FAXC: variants seen among roughly 807,000 people sequenced by gnomAD.
The protein encoded by FAXC is failed axon connections homolog, metaxin like GST domain containing.
In FAXC, 10 loss-of-function variants were observed where a neutral mutation model predicts 41.9. The observed-to-expected ratio is 0.24, with a 90% confidence interval of 0.15 to 0.41. The LOEUF (loss-of-function observed/expected upper bound fraction) is 0.41. Among genes scored for constraint, FAXC ranks in the 10% least tolerant of loss-of-function variants. The pLI, the probability that FAXC is intolerant of heterozygous loss-of-function variation, is 1.00. For missense variants in FAXC, 399 were observed against 510.9 expected (o/e 0.78, Z 2.11); for synonymous variants, 183 against 183.8 (o/e 1.00, Z 0.03).
rs904962811 is a variant in FAXC at position 99,275,059 on chromosome 6, T to C, written c.*6105A>G. On this transcript the variant is annotated 3_prime_UTR_variant, in exon 6 of 6. Transcript: ENST00000389677. Reference sequence around the variant, plus strand: ...ATTTTTTTAGAAGCCATGGGGTAACTAAAAACAAAAAAGGTATTAAATAAG... The same window carrying C: ...ATTTTTTTAGAAGCCATGGGGTAACCAAAAACAAAAAAGGTATTAAATAAG... 4.0e-5 allele frequency: 6 copies of C among 151,848 alleles called. No homozygotes were observed. Among genetic ancestry groups the C allele is most frequent in the African/African-American group, 1.5e-4 (6 of 41,374 alleles). 9.4% of individuals were successfully genotyped at this position (151,848 alleles called of 1,614,324 possible). A position where few individuals can be genotyped will look rare whatever the true frequency, so the allele number is the denominator to read the frequency against.
intron 4 of FAXC, among the ~76,000 whole-genome samples, chr6:99,308,591 G>C (rs1271792277): frequency 1.4e-5 from 2 of 140,418 alleles, no homozygotes; most frequent in Non-Finnish European, 3.0e-5. Context: ...ATCCAGACAT[G>C]AAAGAGTCAT....
intron 4 of FAXC, among the ~76,000 whole-genome samples, chr6:99,297,048 C>A (rs927715946): frequency 2.6e-5 from 4 of 152,180 alleles, no homozygotes; most frequent in African/African-American, 9.7e-5. Context: ...GATATCAGCT[C>A]TCTTACCCAG....
At chr6:99,341,900 TGATAAC>T (rs1274214720) in intron 2 of FAXC, among the ~76,000 whole-genome samples, 1 of 39,210 alleles carries the variant, frequency 2.6e-5, no homozygotes, top group African/African-American at 1.3e-4. Context: ...AAATTAAAAA[TGATAAC>T]AAAAATCAAA....
At chr6:99,328,076 C>A (rs1772881827) in intron 3 of FAXC, among the ~76,000 whole-genome samples, 1 of 152,188 alleles carries the variant, frequency 6.6e-6, no homozygotes, top group Non-Finnish European at 1.5e-5. Context: ...GCATGGCATG[C>A]CAGCCCCTCT....
At chr6:99,297,350 AAGACACAC>A (rs1414929009) in intron 4 of FAXC, among the ~76,000 whole-genome samples, 6 of 152,160 alleles carry the variant, frequency 3.9e-5, no homozygotes, top group African/African-American at 1.4e-4. Flanking sequence ...ATAGAGGACA[AAGACACAC>A]AGTTGTCCAG....
At chr6:99,292,497 A>G (rs1562154183) in intron 4 of FAXC, among the ~76,000 whole-genome samples, 1 of 152,202 alleles carries the variant, frequency 6.6e-6, no homozygotes, top group Non-Finnish European at 1.5e-5. Context: ...TCACCGGACT[A>G]TCACACTCAA....
At chr6:99,293,631 T>C (rs920582577) in intron 4 of FAXC, among the ~76,000 whole-genome samples, 3 of 151,522 alleles carry the variant, frequency 2.0e-5, no homozygotes, top group African/African-American at 7.3e-5. Flanking sequence ...CTCAGGCTTC[T>C]TGAGTGACAT....
chr6:99,324,934 C>T (rs1050949124), intron 3 of FAXC, among the ~76,000 whole-genome samples: 2 of 152,090 alleles, frequency 1.3e-5, no homozygotes, highest in African/African-American at 4.8e-5. Flanking sequence ...GTAGTCCCAG[C>T]TACTCGAGAG....
chr6:99,349,440 G>A lies in FAXC; in HGVS notation c.-68C>T, dbSNP rs1324312951. 2 of 1,181,728 alleles carry A rather than the reference G, an allele frequency of 1.7e-6. No homozygotes were observed. Among genetic ancestry groups the A allele is most frequent in the Non-Finnish European group, 2.1e-6 (2 of 954,462 alleles). 73.2% of individuals were successfully genotyped at this position (1,181,728 alleles called of 1,614,324 possible). On this transcript the variant is annotated 5_prime_UTR_variant, in exon 1 of 6. Coordinates refer to ENST00000389677, the MANE Select transcript of FAXC (RefSeq NM_032511.4). ...GCCCGCATGGGAAGGGGCCGGCGCGGCCCGGCGCGGGCTCAGAGGCGCGCG... is the reference window on the plus strand; with the variant it reads ...GCCCGCATGGGAAGGGGCCGGCGCGACCCGGCGCGGGCTCAGAGGCGCGCG...
chr6:99,298,557 T>C (rs1771583483), intron 4 of FAXC, among the ~76,000 whole-genome samples: 2 of 152,148 alleles, frequency 1.3e-5, no homozygotes, highest in South Asian at 4.1e-4. Context: ...CACACAGCCA[T>C]CTTGCAGTCT....
In FAXC at chr6:99,349,257, T is replaced by C; in HGVS notation, c.116A>G (p.Tyr39Cys). Residue 39 changes from tyrosine (Y) to cysteine (C), a missense_variant, in exon 1 of 6, where the codon TAT becomes TGT. By Grantham distance (194) the Tyr-to-Cys change is radical. Transcript: ENST00000389677. Reference sequence around the variant, plus strand: ...CAAAGGGAAAGCGATGATGTCCCCATAAAAGGAGAAGGGCTCCTCGGACCC... The same window carrying C: ...CAAAGGGAAAGCGATGATGTCCCCACAAAAGGAGAAGGGCTCCTCGGACCC... ...WAGSEEPFSF[Y>C]GDIIAFPLQD... 3 of 1,613,744 alleles carry C rather than the reference T, an allele frequency of 1.9e-6. No homozygotes were observed. Among genetic ancestry groups the C allele is most frequent in the Non-Finnish European group, 2.5e-6 (3 of 1,179,996 alleles).
chr6:99,317,177 ATT>A (rs58725351), intron 4 of FAXC, among the ~76,000 whole-genome samples: 7 of 151,466 alleles, frequency 4.6e-5, no homozygotes, highest in South Asian at 2.1e-4. Context: ...TGGAAATCAG[ATT>A]TTTTTTTTCA....
chr6:99,323,526 G>A lies in FAXC; in HGVS notation c.741C>T (p.His247=), dbSNP rs544093992. The A allele has an allele frequency of 1.7e-5, 27 of 1,614,072 alleles. No individual in the cohort carries two copies. The highest frequency in any genetic ancestry group is 3.3e-5 in the Admixed American group (2 of 60,002). ...ITKGIVKREM[H]GHGIGRFSEE... ...CGGAGAAGCGGCCAATGCCGTGGCC[G>A]TGCATCTCGCGTTTCACAATTCCTT... Residue 247 remains histidine (H), a synonymous_variant, in exon 4 of 6, where the codon CAC becomes CAT. Coordinates refer to ENST00000389677, the MANE Select transcript of FAXC (RefSeq NM_032511.4).
chr6:99,349,222 C>T lies in FAXC; in HGVS notation c.151G>A (p.Gly51Ser). The T allele has an allele frequency of 6.2e-7, 1 of 1,613,970 alleles. No homozygotes were observed. ...DIIAFPLQDYGGIMAGLGSDP... is the reference protein window; with the variant it reads ...DIIAFPLQDYSGIMAGLGSDP... ...GAGCCCAGCCCTGCCATGATCCCAC[C>T]GTAATCCTGCAAAGGGAAAGCGATG... Residue 51 changes from glycine to serine, a missense_variant, in exon 1 of 6, where the codon GGT becomes AGT. Gly to Ser is a moderately conservative substitution (Grantham distance 56). Around this residue, in one of 3 missense-constraint regions of FAXC, gnomAD observed 68 missense variants for 63.4 expected, o/e 1.07. Transcript: ENST00000389677.
intron 4 of FAXC, among the ~76,000 whole-genome samples, chr6:99,293,670 G>GTGTA (rs1326029213): frequency 1.5e-5 from 1 of 68,168 alleles, no homozygotes; most frequent in Non-Finnish European, 2.7e-5. Flanking sequence ...TACACAGTGT[G>GTGTA]TGTGTGTGTG....
At chr6:99,305,826 G>GT (rs1215823974) in intron 4 of FAXC, among the ~76,000 whole-genome samples, 2 of 151,870 alleles carry the variant, frequency 1.3e-5, no homozygotes, top group South Asian at 4.2e-4. Context: ...ATAAATGTCA[G>GT]TTCTTATCAA....
chr6:99,303,083 A>G (rs1771775905), intron 4 of FAXC, among the ~76,000 whole-genome samples: 1 of 152,244 alleles, frequency 6.6e-6, no homozygotes, highest in African/African-American at 2.4e-5. Flanking sequence ...TTTAAATTAT[A>G]ACATTTGGGA....
intron 5 of FAXC, among the ~76,000 whole-genome samples, chr6:99,281,782 T>C (rs75884838): frequency 1.3e-5 from 2 of 152,334 alleles, no homozygotes; most frequent in East Asian, 3.9e-4. Context: ...GTCGTGATCC[T>C]GCATTTCCCA....
intron 4 of FAXC, among the ~76,000 whole-genome samples, chr6:99,312,551 C>T (rs1772191076): frequency 6.6e-6 from 1 of 152,150 alleles, no homozygotes; most frequent in South Asian, 2.1e-4. Context: ...CTCAGACTCC[C>T]AGCTGAAGAA....
Sources: allele counts gnomAD v4.1 joint callset (sites outside exome capture counted in the v4.1 genomes callset), GRCh38; gene constraint gnomAD v4.1.1; regional missense constraint gnomAD v4.1.1; transcripts MANE v1.5; gene names NCBI Gene and HGNC (gene_info 2026-07-23, HGNC 2026-07-21).